ABCA8: variants seen among roughly 807,000 people sequenced by gnomAD.
ABCA8 encodes ABC-type organic anion transporter ABCA8.
A neutral mutation model predicts 192.3 loss-of-function variants in ABCA8; 177 were observed. The observed-to-expected ratio is 0.92, with a 90% CI of 0.81 to 1.04. The LOEUF (loss-of-function observed/expected upper bound fraction) is 1.04. ABCA8 is among the 50% of genes least tolerant of loss of function. ABCA8 has a pLI of 0.00. For missense variants in ABCA8, 1,915 were observed against 1,904.8 expected, an observed-to-expected ratio of 1.01 and a Z score of -0.10; for synonymous variants, 642 against 690.2, an observed-to-expected ratio of 0.93 and a Z score of 1.09.
At chr17:68,899,974 C>G (rs553955823) in intron 21 of ABCA8, among the ~76,000 whole-genome samples, 1 of 152,184 alleles carries the variant, frequency 6.6e-6, no homozygotes, top group East Asian at 1.9e-4. Flanking sequence ...ACGTTTATAG[C>G]TGTAAACACC....
chr17:68,879,543 G>T (rs2066282418), intron 32 of ABCA8: 1 of 152,316 alleles, frequency 6.6e-6, no homozygotes, highest in Non-Finnish European at 1.5e-5. Flanking sequence ...CTCCTTGATG[G>T]CAGTGGCAGC....
chr17:68,932,196 C>G (rs1598278874), intron 7 of ABCA8, 92 bp downstream of exon 7: 1 of 974,134 alleles, frequency 1.0e-6, no homozygotes, highest in African/African-American at 1.7e-5. Flanking sequence ...GGCGACAGAG[C>G]GAGACTCCAT....
intron 33 of ABCA8, 124 bp from the exon 34 acceptor site, chr17:68,876,827 G>T (rs2066220781): frequency 2.6e-6 from 3 of 1,145,286 alleles, no homozygotes; most frequent in East Asian, 5.0e-5. Context: ...TGGTCGGGGG[G>T]CAGGGAAGGA....
At chr17:68,917,604 C>T (rs2067408330) in intron 16 of ABCA8, among the ~76,000 whole-genome samples, 153 bp from the exon 17 acceptor site, 1 of 152,110 alleles carries the variant, frequency 6.6e-6, no homozygotes, top group South Asian at 2.1e-4. Flanking sequence ...ATGAAATAGA[C>T]ACATTTTAAT....
chr17:68,902,062 GATAA>G (rs955912405), intron 21 of ABCA8, among the ~76,000 whole-genome samples: 17 of 152,154 alleles, frequency 1.1e-4, no homozygotes, highest in African/African-American at 2.9e-4. Context: ...GCTGATGAAT[GATAA>G]ATAAATTGTG....
At position 68,911,159 on chromosome 17, in the gene ABCA8, C is replaced by T. The variant is rs2067219482; in HGVS notation, c.2139-3280G>A. Among the ~76,000 whole-genome samples, 1 of 152,174 alleles carries T rather than the reference C, an allele frequency of 6.6e-6. No individual in the cohort carries two copies. The highest frequency in any genetic ancestry group is 2.1e-4 in the South Asian group (1 of 4,828). On this transcript the variant is annotated intron_variant, in intron 17 of 39. Coordinates refer to ENST00000586539, the MANE Select transcript of ABCA8 (RefSeq NM_001288985.2). The surrounding 1 kb of genome is among the most constrained non-coding windows in gnomAD (Gnocchi z 5.7). ...GACTCCTGGGGTCCTGGATTCTAGG[C>T]CTTGGCTCCTGGATCTGGACTTGCC...
intron 27 of ABCA8, chr17:68,884,685 G>C: frequency 9.0e-7 from 1 of 1,116,356 alleles, no homozygotes; most frequent in Non-Finnish European, 1.1e-6. Context: ...TTCTCACACA[G>C]AACTTCACAT....
At chr17:68,920,568 C>T (rs906303315) in intron 13 of ABCA8, among the ~76,000 whole-genome samples, 4 of 152,010 alleles carry the variant, frequency 2.6e-5, no homozygotes, top group African/African-American at 9.7e-5. Flanking sequence ...TACATACTTC[C>T]ACAGAATATT....
rs934149981 is a variant in ABCA8 at position 68,884,555 on chromosome 17, C to T, written c.3550-159G>A. On this transcript the variant is annotated intron_variant, in intron 27 of 39. Transcript: ENST00000586539. ...GTATAGCAAGGGGCTGTCTTCCTTC[C>T]TCCCAAGGTCTATGAGCTTTTGTTT... is the stretch of plus-strand genomic sequence containing the variant. 1.7e-5 allele frequency: 23 copies of T among 1,327,488 alleles called. No individual in the cohort carries two copies. In the African/African-American group the frequency reaches 3.4e-4, roughly 19 times the overall value. The allele number at this position is 1,327,488 out of a possible 1,614,324, so 82.2% of individuals were successfully genotyped here. A position where few individuals can be genotyped will look rare whatever the true frequency, so the allele number is the denominator to read the frequency against.
At chr17:68,953,991 G>T (rs944937662) in intron 1 of ABCA8, among the ~76,000 whole-genome samples, 11 of 151,894 alleles carry the variant, frequency 7.2e-5, no homozygotes, top group Non-Finnish European at 1.5e-4. Flanking sequence ...TCTTAAAGCA[G>T]CTGCCGCCAA....
At chr17:68,903,891 T>C (rs1177872590) in intron 19 of ABCA8, among the ~76,000 whole-genome samples, 2 of 152,164 alleles carry the variant, frequency 1.3e-5, no homozygotes, top group Non-Finnish European at 2.9e-5. Flanking sequence ...TATAAATTGT[T>C]ACTGCAGAGA....
At chr17:68,905,757 A>G (rs1422516410) in intron 19 of ABCA8, among the ~76,000 whole-genome samples, 1 of 152,230 alleles carries the variant, frequency 6.6e-6, no homozygotes, top group African/African-American at 2.4e-5. Context: ...TAAGTGTTTT[A>G]GATCTGTGGG....
rs778003901 is a variant in ABCA8 at position 68,903,302 on chromosome 17, G to T, written c.2596C>A (p.Leu866Met). 1 of 1,614,062 alleles carries T rather than the reference G, an allele frequency of 6.2e-7. No individual in the cohort carries two copies. Among genetic ancestry groups the T allele is most frequent in the Non-Finnish European group, 8.5e-7 (1 of 1,180,008 alleles). The part of the protein sequence containing the change: ...LKHERKALLA[L>M]LLILMAGFCP... ...ACCTATGGCAACTCTGATACTTACA[G>T]TGCTAAAAGAGCTTTTCTTTCATGC... Residue 866 changes from leucine to methionine, a missense_variant and splice_region_variant, in exon 20 of 40, where the codon CTG (leucine) becomes ATG (methionine). Coordinates refer to ENST00000586539, the MANE Select transcript of ABCA8 (RefSeq NM_001288985.2).
chr17:68,898,584 T>C (rs1451836153), intron 21 of ABCA8, among the ~76,000 whole-genome samples: 1 of 152,130 alleles, frequency 6.6e-6, no homozygotes, highest in Non-Finnish European at 1.5e-5. Flanking sequence ...TATTTTTCCC[T>C]CTCTTGTATT....
rs756805181 is a variant in ABCA8, at chr17:68,919,297, G to T, written c.1788+4C>A. ...AACACATTAACTTTAACATATTTTT[G>T]TACCTCTTTATCCACTTCTTGTGGC... On this transcript the variant is annotated splice_donor_region_variant and intron_variant, in intron 14 of 39. Transcript: ENST00000586539. The T allele has an allele frequency of 6.3e-7, 1 of 1,591,538 alleles. No homozygotes were observed. Among genetic ancestry groups the T allele is most frequent in the Non-Finnish European group, 8.6e-7 (1 of 1,168,176 alleles).
At chr17:68,904,873 G>A (rs767736029) in intron 19 of ABCA8, among the ~76,000 whole-genome samples, 1 of 152,192 alleles carries the variant, frequency 6.6e-6, no homozygotes, top group Non-Finnish European at 1.5e-5. Context: ...TGAATGAGGA[G>A]TGGAGAGATG....
At chr17:68,869,894 A>ATAATACGGCGAC in intron 37 of ABCA8, 115 bp from the exon 38 acceptor site, 1 of 701,808 alleles carries the variant, frequency 1.4e-6, no homozygotes, top group Admixed American at 2.3e-5. Flanking sequence ...GGAACATTTA[A>ATAATACGGCGAC]CATGAGATCT....
At chr17:68,875,473 C>A in intron 36 of ABCA8, 73 bp from the exon 37 acceptor site, 1 of 1,602,356 alleles carries the variant, frequency 6.2e-7, no homozygotes, top group Non-Finnish European at 8.5e-7. Context: ...ACTTGATTTG[C>A]TGCTAGCATT....
At position 68,906,091 on chromosome 17, in the gene ABCA8, T is replaced by C; in HGVS notation, c.2351A>G (p.Asn784Ser). The change falls in exon 19 of 40, where the codon AAT becomes AGT. Residue 784 changes from asparagine to serine, a missense_variant. Asn to Ser is a conservative substitution (Grantham distance 46). Transcript: ENST00000586539. ...ENYGVSMTTL[N>S]EVFLKLEGKS... ...TCCTTCTAGCTTCAGGAATACTTCA[T>C]TCAAAGTTGTCATGGAAACACCATA... 1 of 1,599,830 alleles carries C rather than the reference T, an allele frequency of 6.3e-7. No homozygotes were observed. The highest frequency in any genetic ancestry group is 1.3e-5 in the African/African-American group (1 of 74,636).
Sources: gnomAD v4.1 joint callset for allele counts (sites outside exome capture counted in the v4.1 genomes callset) on GRCh38, gnomAD v4.1.1 for gene constraint, Gnocchi (gnomAD v3.1) non-coding constraint, MANE v1.5 for transcripts, NCBI Gene and HGNC (gene_info 2026-07-23, HGNC 2026-07-21) for gene names.